The following BOC variants were observed in gnomAD, a reference collection of about 807,000 sequenced individuals.
The protein encoded by BOC is BOC cell adhesion associated, oncogene regulated.
A neutral mutation model predicts 112.0 loss-of-function variants in BOC; 76 were observed. That is an observed-to-expected ratio of 0.68 (90% CI 0.56 to 0.82). BOC has a LOEUF of 0.82. BOC is among the 40% of genes least tolerant of loss of function. The pLI is 0.00. For synonymous variants in BOC, 580 were observed against 599.8 expected (o/e 0.97, Z 0.48); for missense variants, 1,309 against 1,511.7 (o/e 0.87, Z 2.22).
chr3:113,235,434 G>A lies in BOC; in HGVS notation c.-81-14288G>A, dbSNP rs978045170. 9.2e-5 allele frequency among the ~76,000 whole-genome samples: 14 copies of A among 151,962 alleles called. 1 individual carries two copies. Among genetic ancestry groups the A allele is most frequent in the Admixed American group, 7.2e-4 (11 of 15,262 alleles). ...GTGGGAGTCCAGGAGGGATTATAGG[G>A]GTATGTTTTCCTTTATATAAACACT... On this transcript the variant is annotated intron_variant, in intron 2 of 19. Transcript: ENST00000682979.
chr3:113,270,798 C>T lies in BOC; in HGVS notation c.524-3C>T, dbSNP rs1948029144. On this transcript the variant is annotated splice_region_variant and splice_polypyrimidine_tract_variant and intron_variant, in intron 5 of 19. Coordinates refer to ENST00000682979, the MANE Select transcript of BOC (RefSeq NM_001378074.1). Reference sequence around the variant, plus strand: ...TCTTCCCCTGGCCCTGCCCTTTCCACAGGTAACTACCTGATCATGCCCTCA... The same window carrying T: ...TCTTCCCCTGGCCCTGCCCTTTCCATAGGTAACTACCTGATCATGCCCTCA... 1 of 1,606,278 alleles carries T rather than the reference C, an allele frequency of 6.2e-7. No individual in the cohort carries two copies. Among genetic ancestry groups the T allele is most frequent in the Non-Finnish European group, 8.5e-7 (1 of 1,175,952 alleles).
chr3:113,259,857 G>A (rs866962191), intron 4 of BOC, among the ~76,000 whole-genome samples: 26 of 152,224 alleles, frequency 1.7e-4, no homozygotes, highest in Admixed American at 9.8e-4. Context: ...TTTCCATCGC[G>A]CACTTTCTCC....
At chr3:113,226,634 CT>C (rs1372651827) in intron 2 of BOC, among the ~76,000 whole-genome samples, 1 of 152,166 alleles carries the variant, frequency 6.6e-6, no homozygotes, top group Non-Finnish European at 1.5e-5. Flanking sequence ...TGTTAATACC[CT>C]TAATCTGGAT....
intron 19 of BOC, among the ~76,000 whole-genome samples, chr3:113,285,854 T>C (rs1949632807): frequency 6.6e-6 from 1 of 152,222 alleles, no homozygotes; most frequent in Non-Finnish European, 1.5e-5. Flanking sequence ...AAAGCCCTTT[T>C]TGGTCTGTGC....
chr3:113,230,903 A>G (rs1367948537), intron 2 of BOC, among the ~76,000 whole-genome samples: 1 of 152,184 alleles, frequency 6.6e-6, no homozygotes. Context: ...AAACAAAGCA[A>G]TTTCAGATCT....
chr3:113,273,115 G>A lies in BOC; in HGVS notation c.1008G>A (p.Trp336Ter). ...AGCTATCCCAGCTGGTCATCCCCTG[G>A]GGCCAGAGTGCCAAGCTTACCTGTG... ...TMELSQLVIPWGQSAKLTCEV... is the reference protein window; with the variant it reads ...TMELSQLVIP Residue 336 changes from tryptophan to a stop codon, truncating the protein, a stop_gained, in exon 8 of 20, where the codon TGG becomes TGA. Transcript: ENST00000682979. LOFTEE classifies it high-confidence loss of function. 1.9e-6 allele frequency: 3 copies of A among 1,611,520 alleles called. No individual in the cohort carries two copies. Among genetic ancestry groups the A allele is most frequent in the Non-Finnish European group, 2.5e-6 (3 of 1,177,944 alleles).
At chr3:113,265,599 G>A (rs895861398) in intron 4 of BOC, among the ~76,000 whole-genome samples, 15 of 152,202 alleles carry the variant, frequency 9.9e-5, no homozygotes, top group Non-Finnish European at 2.1e-4. Context: ...AGAAAACAAA[G>A]TTACCGATGT....
At chr3:113,226,193 T>C (rs1291799582) in intron 2 of BOC, among the ~76,000 whole-genome samples, 1 of 152,180 alleles carries the variant, frequency 6.6e-6, no homozygotes, top group Non-Finnish European at 1.5e-5. Context: ...TTGTAATACA[T>C]GAAAAAAACT....
At chr3:113,233,148 G>GGTGTGTGTGTGTGTGTGT (rs59444901) in intron 2 of BOC, among the ~76,000 whole-genome samples, 14 of 123,958 alleles carry the variant, frequency 1.1e-4, no homozygotes, top group East Asian at 2.5e-4. Flanking sequence ...AAAGGATTGG[G>GGTGTGTGTGTGTGTGTGT]GTGTGTGTGT....
intron 18 of BOC, 29 bp downstream of exon 18, chr3:113,284,887 A>G (rs1949527231): frequency 6.3e-7 from 1 of 1,596,132 alleles, no homozygotes; most frequent in East Asian, 2.2e-5. Flanking sequence ...TTTCACTCCC[A>G]AGCCCCACAG....
intron 8 of BOC, among the ~76,000 whole-genome samples, chr3:113,273,936 T>A (rs990468410): frequency 2.0e-5 from 3 of 152,128 alleles, no homozygotes; most frequent in Non-Finnish European, 4.4e-5. Flanking sequence ...CAGAGGACAT[T>A]CCCAGTTGCG....
At chr3:113,247,047 C>G (rs1265110254) in intron 2 of BOC, among the ~76,000 whole-genome samples, 1 of 152,162 alleles carries the variant, frequency 6.6e-6, no homozygotes, top group Non-Finnish European at 1.5e-5. Flanking sequence ...AACCCAACAC[C>G]TCCGTAGCCA....
In BOC at chr3:113,270,888, A is replaced by G; in HGVS notation, c.611A>G (p.Asn204Ser). Residue 204 changes from asparagine (N) to serine (S), a missense_variant, in exon 6 of 20, where the codon AAC becomes AGC. Coordinates refer to ENST00000682979, the MANE Select transcript of BOC (RefSeq NM_001378074.1). The stretch of plus-strand genomic sequence containing the variant: ...GGCATGTACAAGTGTGCAGCCTACA[A>G]CCCAGTGACCCAGGAAGTGAAAACC... ...DEGMYKCAAY[N>S]PVTQEVKTSG... The G allele has an allele frequency of 1.2e-6, 2 of 1,614,158 alleles. No individual in the cohort carries two copies. Among genetic ancestry groups the G allele is most frequent in the Non-Finnish European group, 1.7e-6 (2 of 1,180,028 alleles).
chr3:113,233,148 G>GGTGTGTGTGTGTGTGTGTGTGT (rs59444901), intron 2 of BOC, among the ~76,000 whole-genome samples: 1 of 123,960 alleles, frequency 8.1e-6, no homozygotes, highest in Admixed American at 8.5e-5. Flanking sequence ...AAAGGATTGG[G>GGTGTGTGTGTGTGTGTGTGTGT]GTGTGTGTGT....
Position 113,274,787 on chromosome 3 carries a change from G to A in BOC, c.1542+105G>A, listed in dbSNP as rs1948493392. On this transcript the variant is annotated intron_variant, in intron 9 of 19. Coordinates refer to ENST00000682979, the MANE Select transcript of BOC (RefSeq NM_001378074.1). The surrounding 1 kb of genome is among the most constrained non-coding windows in gnomAD (Gnocchi z 4.8). The stretch of plus-strand genomic sequence containing the variant: ...ATCTCCCCTTGAGCTCCTGAAGCCT[G>A]AGCCGGTAATCCCCACCACTAAACA... 1 of 1,211,262 alleles carries A rather than the reference G, an allele frequency of 8.3e-7. No homozygotes were observed. Among genetic ancestry groups the A allele is most frequent in the Admixed American group, 2.6e-5 (1 of 38,694 alleles). 75.0% of individuals were successfully genotyped at this position (1,211,262 alleles called of 1,614,324 possible). A position where few individuals can be genotyped will look rare whatever the true frequency, so the allele number is the denominator to read the frequency against.
At chr3:113,260,534 G>A (rs747954663) in intron 4 of BOC, among the ~76,000 whole-genome samples, 3 of 152,166 alleles carry the variant, frequency 2.0e-5, no homozygotes, top group Non-Finnish European at 2.9e-5. Flanking sequence ...GACCAGTACC[G>A]TTCCATGGTG....
chr3:113,230,448 C>G (rs1942428455), intron 2 of BOC, among the ~76,000 whole-genome samples: 1 of 152,126 alleles, frequency 6.6e-6, no homozygotes, highest in South Asian at 2.1e-4. Flanking sequence ...TGCCAAGGAC[C>G]CCAAGACCAG....
rs1376257187 is a variant in BOC, at chr3:113,274,318, G to A, written c.1235-57G>A. On this transcript the variant is annotated intron_variant, in intron 8 of 19. Coordinates refer to ENST00000682979, the MANE Select transcript of BOC (RefSeq NM_001378074.1). The surrounding 1 kb of genome is among the most constrained non-coding windows in gnomAD (Gnocchi z 4.8). ...TTCTGTTTTCTCCCCAGGAACAACA[G>A]CTCAGCAGGTAAACCAGGAGACTAA... The A allele has an allele frequency of 4.8e-6, 7 of 1,453,606 alleles. No homozygotes were observed. The Admixed American group carries it at 9.2e-5, about 19-fold the overall frequency. The allele number at this position is 1,453,606 out of a possible 1,614,324, so 90.0% of individuals were successfully genotyped here.
intron 6 of BOC, 178 bp downstream of exon 6, chr3:113,271,122 G>A: frequency 1.1e-6 from 1 of 876,516 alleles, no homozygotes; most frequent in Non-Finnish European, 1.8e-6. Context: ...CCTCTGGCCG[G>A]CCTCAGGGCC....
Sources: allele counts gnomAD v4.1 joint callset (sites outside exome capture counted in the v4.1 genomes callset), GRCh38; gene constraint gnomAD v4.1.1; non-coding constraint Gnocchi (gnomAD v3.1); transcripts MANE v1.5; gene names NCBI Gene and HGNC (gene_info 2026-07-23, HGNC 2026-07-21).